Variants in LOC400499 observed in about 807,000 individuals in gnomAD.
At chr16:11,384,127 A>G in the LOC400499 span, 6 of 1,218,948 alleles carry the variant, frequency 4.9e-6, no homozygotes, top group South Asian at 2.1e-4. Flanking sequence ...CTGCAGAGCC[A>G]TCAGGCCGCC....
the LOC400499 span, among the ~76,000 whole-genome samples, chr16:11,485,424 G>A: frequency 6.6e-6 from 1 of 152,144 alleles, no homozygotes; most frequent in Non-Finnish European, 1.5e-5. Flanking sequence ...TTCCTCGAAA[G>A]ATCCAGGATG....
chr16:11,427,970 C>T, the LOC400499 span, among the ~76,000 whole-genome samples: 2 of 152,080 alleles, frequency 1.3e-5, no homozygotes, highest in African/African-American at 2.4e-5. Flanking sequence ...ATCCAGACCC[C>T]AAGACAGGCT....
At chr16:11,391,855 G>A in the LOC400499 span, 2 of 1,226,368 alleles carry the variant, frequency 1.6e-6, no homozygotes, top group South Asian at 4.1e-5. Flanking sequence ...GTGCCTGCCG[G>A]CTGCACCTGG....
the LOC400499 span, among the ~76,000 whole-genome samples, chr16:11,463,106 G>A: frequency 6.6e-6 from 1 of 152,208 alleles, no homozygotes; most frequent in South Asian, 2.1e-4. Context: ...GGTCAGTGGT[G>A]CAGACCTGGC....
chr16:11,428,560 G>C, the LOC400499 span, among the ~76,000 whole-genome samples: 14 of 152,192 alleles, frequency 9.2e-5, no homozygotes, highest in Non-Finnish European at 1.8e-4. Context: ...TGGGAATGTA[G>C]TAATGAGAAC....
At chr16:11,443,095 C>T in the LOC400499 span, among the ~76,000 whole-genome samples, 1 of 151,738 alleles carries the variant, frequency 6.6e-6, no homozygotes, top group South Asian at 2.1e-4. Flanking sequence ...AGGCTGAGGC[C>T]GGGGGATCAC....
At chr16:11,384,416 T>C in the LOC400499 span, 1 of 617,244 alleles carries the variant, frequency 1.6e-6, no homozygotes. Context: ...GTGTGTGAGA[T>C]GAGCCTGAAG....
chr16:11,512,637 G>C, the LOC400499 span, among the ~76,000 whole-genome samples: 1 of 152,254 alleles, frequency 6.6e-6, no homozygotes, highest in East Asian at 1.9e-4. Flanking sequence ...GTTGATTGTG[G>C]TGATGATGGA....
chr16:11,374,535 T>C, the LOC400499 span, among the ~76,000 whole-genome samples: 1 of 152,236 alleles, frequency 6.6e-6, no homozygotes, highest in Admixed American at 6.5e-5. Context: ...TCTGTCTCTA[T>C]GAAACTTATT....
chr16:11,373,327 A>C, the LOC400499 span, among the ~76,000 whole-genome samples: 58 of 152,322 alleles, frequency 3.8e-4, no homozygotes, highest in Middle Eastern at 3.4e-3. Flanking sequence ...CTCATCTGCT[A>C]CGAGAACTGT....
chr16:11,423,024 G>A, the LOC400499 span, among the ~76,000 whole-genome samples: 1 of 152,068 alleles, frequency 6.6e-6, no homozygotes, highest in Non-Finnish European at 1.5e-5. Context: ...GGATGTGGGG[G>A]GCTTTTGAAG....
the LOC400499 span, among the ~76,000 whole-genome samples, chr16:11,404,237 T>C: frequency 1.3e-5 from 2 of 152,204 alleles, no homozygotes; most frequent in African/African-American, 2.4e-5. Flanking sequence ...GACGTTATTT[T>C]GCTTATGTGC....
chr16:11,390,500 G>A, the LOC400499 span: 4 of 1,232,918 alleles, frequency 3.2e-6, no homozygotes, highest in Non-Finnish European at 4.0e-6. Flanking sequence ...TGAGACCTCA[G>A]GGCAGGTCAG....
chr16:11,455,796 A>G, the LOC400499 span, among the ~76,000 whole-genome samples: 1 of 151,840 alleles, frequency 6.6e-6, no homozygotes, highest in African/African-American at 2.4e-5. Context: ...CAGATGTGAC[A>G]AAGAGGATGT....
At chr16:11,425,260 T>C in the LOC400499 span, 1 of 398,976 alleles carries the variant, frequency 2.5e-6, no homozygotes, top group African/African-American at 2.1e-5. Context: ...CTCAGGTTCC[T>C]CGTCTGGGCC....
chr16:11,383,839 A>C, the LOC400499 span: 13 of 1,232,120 alleles, frequency 1.1e-5, no homozygotes, highest in Non-Finnish European at 1.1e-5. Context: ...CCTAAGCTTG[A>C]TGAGACAAAG....
the LOC400499 span, chr16:11,460,876 T>G: frequency 5.1e-5 from 73 of 1,420,704 alleles, no homozygotes; most frequent in Non-Finnish European, 6.7e-5. Flanking sequence ...GGTGACAGCG[T>G]ATCTCAGCTC....
chr16:11,480,847 C>T, the LOC400499 span, among the ~76,000 whole-genome samples: 9 of 152,176 alleles, frequency 5.9e-5, no homozygotes, highest in East Asian at 1.5e-3. Flanking sequence ...ATTATAAGTA[C>T]ACACCACAGG....
the LOC400499 span, among the ~76,000 whole-genome samples, chr16:11,523,074 T>C: frequency 3.7e-3 from 561 of 152,336 alleles, 4 homozygotes; most frequent in Middle Eastern, 6.8e-3. Flanking sequence ...TTCCAAAGAA[T>C]TTGTTCCCAA....
Sources: gnomAD v4.1 joint callset for allele counts (sites outside exome capture counted in the v4.1 genomes callset) on GRCh38, gnomAD v4.1.1 for gene constraint, MANE v1.5 for transcripts.